Variants in DACH1 observed in about 807,000 individuals in gnomAD.
DACH1 encodes the protein dachshund family transcription factor 1.
In DACH1, 12 loss-of-function variants were observed where a neutral mutation model predicts 54.2. The observed-to-expected ratio is 0.22, with a 90% CI of 0.14 to 0.36. The LOEUF (loss-of-function observed/expected upper bound fraction) is 0.36. Among genes scored for constraint, DACH1 ranks in the 10% least tolerant of loss-of-function variants. DACH1 has a pLI of 1.00. For missense variants in DACH1, 805 were observed against 929.8 expected (o/e 0.87, Z 1.75); for synonymous variants, 386 against 366.2 (o/e 1.05, Z -0.62).
At chr13:71,725,383 G>C (rs957050953) in intron 1 of DACH1, among the ~76,000 whole-genome samples, 12 of 152,038 alleles carry the variant, frequency 7.9e-5, no homozygotes, top group Non-Finnish European at 1.8e-4. Context: ...CTCAAAAGCT[G>C]TCATTTCATT....
chr13:71,576,854 T>C (rs747359463), intron 3 of DACH1, among the ~76,000 whole-genome samples: 4 of 152,102 alleles, frequency 2.6e-5, no homozygotes, highest in Non-Finnish European at 4.4e-5. Context: ...TTTTCAACCA[T>C]CCTGTCTTCC....
chr13:71,802,351 G>A (rs571927044), intron 1 of DACH1, among the ~76,000 whole-genome samples: 2 of 152,094 alleles, frequency 1.3e-5, no homozygotes, highest in African/African-American at 4.8e-5. Context: ...CTGGGTTTGT[G>A]AATCCATTTA....
chr13:71,538,975 TTTCA>T (rs771715324), intron 6 of DACH1, among the ~76,000 whole-genome samples: 4 of 152,106 alleles, frequency 2.6e-5, no homozygotes, highest in Non-Finnish European at 5.9e-5. Context: ...AAAAGTCATC[TTTCA>T]TTCCTCGATG....
At chr13:71,750,249 T>C (rs1037099291) in intron 1 of DACH1, among the ~76,000 whole-genome samples, 1 of 152,146 alleles carries the variant, frequency 6.6e-6, no homozygotes, top group Non-Finnish European at 1.5e-5. Flanking sequence ...TGAAATACAC[T>C]CTCTTTGCAT....
intron 3 of DACH1, among the ~76,000 whole-genome samples, chr13:71,590,250 T>A (rs541123016): frequency 1.3e-5 from 2 of 152,190 alleles, no homozygotes; most frequent in African/African-American, 4.8e-5. Flanking sequence ...AGTCTCTATA[T>A]CATGAATCTA....
intron 1 of DACH1, among the ~76,000 whole-genome samples, chr13:71,692,662 A>G (rs1421818107): frequency 6.6e-6 from 1 of 151,370 alleles, no homozygotes; most frequent in Admixed American, 6.6e-5. Flanking sequence ...AGTTGGGACT[A>G]CAGGCGTGCA....
At chr13:71,693,583 G>T (rs568731558) in intron 1 of DACH1, among the ~76,000 whole-genome samples, 1 of 151,236 alleles carries the variant, frequency 6.6e-6, no homozygotes, top group Non-Finnish European at 1.5e-5. Flanking sequence ...CTCCCAAAGT[G>T]CTGGGATTAC....
intron 2 of DACH1, among the ~76,000 whole-genome samples, chr13:71,662,095 T>C (rs1879531441): frequency 6.6e-6 from 1 of 152,064 alleles, no homozygotes. Context: ...ACAATACTGT[T>C]GATATCGTCT....
chr13:71,825,222 T>C (rs770486478), intron 1 of DACH1, among the ~76,000 whole-genome samples: 5 of 152,120 alleles, frequency 3.3e-5, no homozygotes, highest in Non-Finnish European at 7.4e-5. Context: ...AAGAATTTTA[T>C]AAAAAATAAA....
intron 1 of DACH1, among the ~76,000 whole-genome samples, chr13:71,836,467 A>G (rs1382309383): frequency 6.6e-6 from 1 of 152,054 alleles, no homozygotes; most frequent in South Asian, 2.1e-4. Flanking sequence ...CAGAGAAAAG[A>G]TCTTAAAACC....
intron 10 of DACH1, among the ~76,000 whole-genome samples, chr13:71,456,527 A>C (rs1875576130): frequency 6.6e-6 from 1 of 152,204 alleles, no homozygotes; most frequent in African/African-American, 2.4e-5. Context: ...ATCTAGCCTT[A>C]GTTCTAAACC....
At chr13:71,796,279 G>T (rs1887047089) in intron 1 of DACH1, among the ~76,000 whole-genome samples, 1 of 151,998 alleles carries the variant, frequency 6.6e-6, no homozygotes, top group African/African-American at 2.4e-5. Flanking sequence ...AAAATTAAGG[G>T]TTCCTTCAGA....
chr13:71,781,382 ATTT>A (rs1886368668), intron 1 of DACH1, among the ~76,000 whole-genome samples: 1 of 148,022 alleles, frequency 6.8e-6, no homozygotes, highest in South Asian at 2.1e-4. Context: ...TTATTTATTT[ATTT>A]ATTTATTTTT....
chr13:71,792,684 G>C (rs534986968), intron 1 of DACH1, among the ~76,000 whole-genome samples: 5 of 152,110 alleles, frequency 3.3e-5, no homozygotes, highest in African/African-American at 1.2e-4. Context: ...TGGAAACTGA[G>C]CATGCCACTA....
intron 1 of DACH1, among the ~76,000 whole-genome samples, chr13:71,840,741 A>C (rs1872784380): frequency 6.6e-6 from 1 of 152,214 alleles, no homozygotes; most frequent in Non-Finnish European, 1.5e-5. Flanking sequence ...AAGGCAGTAA[A>C]GTATGTAAAA....
intron 1 of DACH1, among the ~76,000 whole-genome samples, chr13:71,771,509 A>C (rs562000566): frequency 6.6e-6 from 1 of 151,572 alleles, no homozygotes; most frequent in South Asian, 2.1e-4. Flanking sequence ...CTAATCAGTA[A>C]CTTTTGAACC....
chr13:71,573,643 G>T (rs1023485607), intron 3 of DACH1: 6 of 435,234 alleles, frequency 1.4e-5, no homozygotes, highest in Non-Finnish European at 2.5e-5. Flanking sequence ...AACTTAAAAT[G>T]AGTTTTTTAA....
At chr13:71,583,757 C>A (rs906719421) in intron 3 of DACH1, among the ~76,000 whole-genome samples, 3 of 152,056 alleles carry the variant, frequency 2.0e-5, no homozygotes, top group African/African-American at 7.2e-5. Flanking sequence ...GTTGCTTGAG[C>A]CTGGGAGGCA....
chr13:71,811,637 T>G (rs1397647950), intron 1 of DACH1, among the ~76,000 whole-genome samples: 1 of 152,170 alleles, frequency 6.6e-6, no homozygotes, highest in Admixed American at 6.5e-5. Flanking sequence ...AGGCTTTGGG[T>G]TCCTCAAGCC....
Sources: allele counts gnomAD v4.1 joint callset (sites outside exome capture counted in the v4.1 genomes callset), GRCh38; gene constraint gnomAD v4.1.1; transcripts MANE v1.5; gene names NCBI Gene and HGNC (gene_info 2026-07-23, HGNC 2026-07-21).